ETFA: variants seen among roughly 807,000 people sequenced by gnomAD.
ETFA encodes the protein electron transfer flavoprotein subunit alpha, mitochondrial.
Under a neutral mutation model 46.2 loss-of-function variants are expected in ETFA, and 22 were observed. That is an observed-to-expected ratio of 0.48 (90% CI 0.34 to 0.68). The LOEUF (loss-of-function observed/expected upper bound fraction) is 0.68, where lower values mean the gene tolerates loss of function less well. Ranked by LOEUF, ETFA falls within the 30% of genes least tolerant of loss-of-function variation. ETFA has a pLI of 0.01. For missense variants in ETFA, 345 were observed against 401.1 expected (o/e 0.86, Z 1.19); for synonymous variants, 131 against 139.9 (o/e 0.94, Z 0.45).
intron 9 of ETFA, among the ~76,000 whole-genome samples, chr15:76,237,876 A>T (rs77022998): frequency 0.012 from 1,769 of 152,104 alleles, 29 homozygotes; most frequent in African/African-American, 0.04. Context: ...ACTGGGAAAA[A>T]TTTTCTTTGA....
chr15:76,282,540 T>C (rs1372549593), intron 8 of ETFA, among the ~76,000 whole-genome samples: 1 of 152,168 alleles, frequency 6.6e-6, no homozygotes, highest in East Asian at 1.9e-4. Flanking sequence ...ACTTGATAAA[T>C]ACTTGTTCAA....
intron 11 of ETFA, among the ~76,000 whole-genome samples, chr15:76,224,021 CTT>C (rs1196680454): frequency 2.6e-5 from 4 of 152,240 alleles, no homozygotes; most frequent in East Asian, 1.9e-4. Context: ...AAAATATTCT[CTT>C]GAGGAAAAAA....
At chr15:76,267,588 T>C (rs965341532) in intron 9 of ETFA, among the ~76,000 whole-genome samples, 4 of 152,158 alleles carry the variant, frequency 2.6e-5, no homozygotes, top group Non-Finnish European at 5.9e-5. Flanking sequence ...AAGCCTAATT[T>C]GCAGGACCTC....
intron 6 of ETFA, among the ~76,000 whole-genome samples, 166 bp downstream of exon 6, chr15:76,286,205 A>C (rs1003005492): frequency 6.6e-6 from 1 of 152,242 alleles, no homozygotes; most frequent in African/African-American, 2.4e-5. Context: ...AAAAGATGTA[A>C]GTTATACATA....
intron 10 of ETFA, chr15:76,227,714 T>G (rs1295740850): frequency 1.7e-5 from 7 of 420,798 alleles, no homozygotes; most frequent in Non-Finnish European, 3.3e-5. Context: ...TCTACCTACC[T>G]GGCATTGTAT....
chr15:76,307,989 T>C (rs945753542), intron 1 of ETFA, among the ~76,000 whole-genome samples: 3 of 152,174 alleles, frequency 2.0e-5, no homozygotes, highest in Non-Finnish European at 4.4e-5. Context: ...TATTTTGACT[T>C]TGTGATATCA....
chr15:76,271,465 C>G (rs993475607), intron 9 of ETFA, among the ~76,000 whole-genome samples: 3 of 152,140 alleles, frequency 2.0e-5, no homozygotes, highest in Non-Finnish European at 2.9e-5. Context: ...AAACAGCTGT[C>G]TGGTAATCTT....
Position 76,229,618 on chromosome 15 carries a change from T to G in ETFA, c.882+1715A>C, listed in dbSNP as rs116579420. On this transcript the variant is annotated intron_variant, in intron 10 of 11. Coordinates refer to ENST00000557943, the MANE Select transcript of ETFA (RefSeq NM_000126.4). Reference sequence around the variant, plus strand: ...GGAGTTTCTTTCTTTTATTTATTTATTTTTTCTTAATGCAGCAATCACATT... The same window carrying G: ...GGAGTTTCTTTCTTTTATTTATTTAGTTTTTCTTAATGCAGCAATCACATT... 5.1e-3 allele frequency among the ~76,000 whole-genome samples: 775 copies of G among 152,338 alleles called. 9 individuals are homozygous for G. The highest frequency in any genetic ancestry group is 0.018 in the African/African-American group (747 of 41,576).
chr15:76,248,826 G>T (rs971983367), intron 9 of ETFA, among the ~76,000 whole-genome samples: 1 of 151,454 alleles, frequency 6.6e-6, no homozygotes, highest in Non-Finnish European at 1.5e-5. Flanking sequence ...GCAGTGAGCC[G>T]AGATTGCACC....
At chr15:76,274,306 C>T (rs2039571760) in intron 9 of ETFA, 106 bp downstream of exon 9, 2 of 896,590 alleles carry the variant, frequency 2.2e-6, no homozygotes, top group South Asian at 2.8e-5. Flanking sequence ...TGGCTAACTG[C>T]TCAGGAACAC....
At chr15:76,263,906 A>G (rs1302142647) in intron 9 of ETFA, among the ~76,000 whole-genome samples, 3 of 152,238 alleles carry the variant, frequency 2.0e-5, no homozygotes, top group Admixed American at 2.0e-4. Flanking sequence ...CTGCTGAATT[A>G]AGTGAATGGC....
intron 3 of ETFA, 47 bp from the exon 4 acceptor site, chr15:76,292,560 A>G (rs772605605): frequency 1.9e-6 from 3 of 1,576,756 alleles, no homozygotes; most frequent in African/African-American, 2.7e-5. Flanking sequence ...AAATACTTTC[A>G]TATTCATATA....
intron 1 of ETFA, among the ~76,000 whole-genome samples, chr15:76,308,207 C>A (rs1241376791): frequency 6.6e-6 from 1 of 152,078 alleles, no homozygotes; most frequent in African/African-American, 2.4e-5. Context: ...AGAAAATCAC[C>A]ATTTTGCATC....
In ETFA at chr15:76,250,460, T is replaced by C. The variant is rs139587327; in HGVS notation, c.817-19062A>G. On this transcript the variant is annotated intron_variant, in intron 9 of 11. Transcript: ENST00000557943. ...TTCATATTGAAAAATCTCAGCTATA[T>C]ACTGCTTAGGGATCTGTAGATATGT... Among the ~76,000 whole-genome samples the C allele has an allele frequency of 4.8e-3, 725 of 152,200 alleles. 4 individuals are homozygous for C. The highest frequency in any genetic ancestry group is 0.017 in the African/African-American group (707 of 41,522).
chr15:76,218,472 A>C (rs1315709978), intron 11 of ETFA, among the ~76,000 whole-genome samples: 1 of 152,112 alleles, frequency 6.6e-6, no homozygotes, highest in African/African-American at 2.4e-5. Context: ...GGTTTCACCA[A>C]GTTGGTCAAG....
At chr15:76,288,920 C>CTTGTTT (rs1225461781) in intron 4 of ETFA, among the ~76,000 whole-genome samples, 1 of 110,120 alleles carries the variant, frequency 9.1e-6, no homozygotes, top group Non-Finnish European at 1.8e-5. Context: ...TCTTCTTCTT[C>CTTGTTT]TTTTTTTTTT....
chr15:76,275,295 T>C (rs953573239), intron 8 of ETFA, among the ~76,000 whole-genome samples: 1 of 152,206 alleles, frequency 6.6e-6, no homozygotes, highest in East Asian at 1.9e-4. Context: ...ACTTAAGTTA[T>C]ATTAAGTTTT....
intron 9 of ETFA, among the ~76,000 whole-genome samples, chr15:76,251,624 G>A (rs369458352): frequency 6.6e-6 from 1 of 152,126 alleles, no homozygotes; most frequent in African/African-American, 2.4e-5. Context: ...AGTACAGACT[G>A]TCTCAGGAAA....
chr15:76,311,193 G>C (rs935445420), intron 1 of ETFA, among the ~76,000 whole-genome samples, 157 bp downstream of exon 1: 3 of 152,236 alleles, frequency 2.0e-5, no homozygotes, highest in Non-Finnish European at 4.4e-5. Flanking sequence ...GTCCAGGGTA[G>C]GCCCCAGAAC....
Sources: gnomAD v4.1 joint callset for allele counts (sites outside exome capture counted in the v4.1 genomes callset) on GRCh38, gnomAD v4.1.1 for gene constraint, MANE v1.5 for transcripts, NCBI Gene and HGNC (gene_info 2026-07-23, HGNC 2026-07-21) for gene names.